Variants in STXBP6 observed in about 807,000 individuals in gnomAD.
STXBP6 encodes syntaxin-binding protein 6.
STXBP6 carries 21 observed loss-of-function variants against 26.9 expected under a neutral mutation model. That is an observed-to-expected ratio of 0.78 (90% CI 0.55 to 1.12). STXBP6 has a LOEUF of 1.12. Ranked by LOEUF, STXBP6 falls within the 50% of genes most tolerant of loss-of-function variation. STXBP6 has a pLI of 0.00. For synonymous variants in STXBP6, 97 were observed against 92.6 expected (o/e 1.05, Z -0.27); for missense variants, 232 against 257.9 (o/e 0.90, Z 0.69).
intron 2 of STXBP6, among the ~76,000 whole-genome samples, chr14:24,862,589 C>A (rs894351352): frequency 6.6e-6 from 1 of 152,142 alleles, no homozygotes; most frequent in Non-Finnish European, 1.5e-5. Flanking sequence ...TCCTTAGTAT[C>A]ACTAGTTCCT....
chr14:25,031,852 G>C (rs117947318), intron 1 of STXBP6, among the ~76,000 whole-genome samples: 1,733 of 151,884 alleles, frequency 0.011, 13 homozygotes, highest in Middle Eastern at 0.024. Context: ...AGCATGCTTA[G>C]GACAACAGAC....
rs71121808 is a variant in STXBP6, at chr14:24,976,852, C to CTTTTTTTTTTTTTTT, written c.-32-2017_-32-2003dup. ...CAAAGTCCTGAGCTGACTGGGCGCT[C>CTTTTTTTTTTTTTTT]TTTTTTTTTTTTTTTTTTTTTTTTT... On this transcript the variant is annotated intron_variant, in intron 1 of 5. Transcript: ENST00000323944. Among the ~76,000 whole-genome samples, 208 of 45,272 alleles carry CTTTTTTTTTTTTTTT rather than the reference C, an allele frequency of 4.6e-3. 50 individuals carry two copies. Among genetic ancestry groups the CTTTTTTTTTTTTTTT allele is most frequent in the African/African-American group, 0.018 (162 of 8,896 alleles). The allele number at this position is 45,272 out of a possible 152,430, so 29.7% of individuals were successfully genotyped here.
chr14:24,845,177 A>T (rs2068917783), intron 4 of STXBP6, among the ~76,000 whole-genome samples: 1 of 151,926 alleles, frequency 6.6e-6, no homozygotes, highest in Non-Finnish European at 1.5e-5. Flanking sequence ...AGGCCTGGCT[A>T]ATTTTTTTGT....
At chr14:24,854,115 G>T (rs1172099912) in intron 4 of STXBP6, among the ~76,000 whole-genome samples, 1 of 152,088 alleles carries the variant, frequency 6.6e-6, no homozygotes, top group Non-Finnish European at 1.5e-5. Context: ...GAAAGAAAAA[G>T]CCTGTTCCTA....
intron 1 of STXBP6, among the ~76,000 whole-genome samples, chr14:25,015,163 T>C (rs988787038): frequency 9.2e-5 from 14 of 152,128 alleles, no homozygotes; most frequent in African/African-American, 3.4e-4. Flanking sequence ...TTATTTACAT[T>C]GGGGAAGGGA....
chr14:24,836,742 A>C (rs2068630209), intron 4 of STXBP6, among the ~76,000 whole-genome samples: 1 of 152,150 alleles, frequency 6.6e-6, no homozygotes, highest in African/African-American at 2.4e-5. Context: ...AAAAATCAAC[A>C]AAAGAAAAAG....
intron 2 of STXBP6, among the ~76,000 whole-genome samples, chr14:24,870,759 T>C (rs1412698767): frequency 2.0e-5 from 3 of 152,192 alleles, no homozygotes; most frequent in Admixed American, 2.0e-4. Flanking sequence ...TCTTCCTAAA[T>C]AGACTCCCTA....
intron 1 of STXBP6, among the ~76,000 whole-genome samples, chr14:25,034,404 C>T (rs2075516385): frequency 6.6e-6 from 1 of 152,160 alleles, no homozygotes. Flanking sequence ...CTACAATTTC[C>T]CCATCCCTCA....
rs1463693789 is a variant in STXBP6, at chr14:24,966,767, C to T, written c.154+7898G>A. 2.6e-5 allele frequency among the ~76,000 whole-genome samples: 4 copies of T among 152,258 alleles called. No homozygotes were observed. The East Asian group carries it at 7.7e-4, about 29-fold the overall frequency. ...AAATTCATATTTGGCAGTGTCCCTG[C>T]CAGGAGTCTCTCCAAATTTCCCCAG... On this transcript the variant is annotated intron_variant, in intron 2 of 5. Transcript: ENST00000323944.
At chr14:25,015,051 CT>C (rs1295875503) in intron 1 of STXBP6, among the ~76,000 whole-genome samples, 1 of 151,976 alleles carries the variant, frequency 6.6e-6, no homozygotes, top group Non-Finnish European at 1.5e-5. Flanking sequence ...TTCTATGAGC[CT>C]TTTGACTTAG....
At chr14:25,026,671 C>G (rs556179790) in intron 1 of STXBP6, among the ~76,000 whole-genome samples, 34 of 152,284 alleles carry the variant, frequency 2.2e-4, no homozygotes, top group Non-Finnish European at 4.4e-4. Flanking sequence ...GCATACATAA[C>G]TTTTTCACAT....
intron 2 of STXBP6, among the ~76,000 whole-genome samples, chr14:24,961,451 C>CA (rs35074945): frequency 0.029 from 3,926 of 137,164 alleles, 89 homozygotes; most frequent in East Asian, 0.098. Flanking sequence ...GAACTAAAAA[C>CA]AAAAAAAAAA....
At chr14:24,905,503 T>C (rs982521327) in intron 2 of STXBP6, among the ~76,000 whole-genome samples, 3 of 152,320 alleles carry the variant, frequency 2.0e-5, no homozygotes, top group South Asian at 2.1e-4. Flanking sequence ...CTCCTATTCC[T>C]GCCTGTCTAA....
At chr14:25,003,147 G>A (rs146928464) in intron 1 of STXBP6, among the ~76,000 whole-genome samples, 179 of 152,316 alleles carry the variant, frequency 1.2e-3, no homozygotes, top group African/African-American at 4.1e-3. Flanking sequence ...CAAGATCAGA[G>A]AAAAGCTCTG....
intron 1 of STXBP6, among the ~76,000 whole-genome samples, chr14:25,031,139 C>T (rs1018071094): frequency 6.6e-6 from 1 of 152,086 alleles, no homozygotes; most frequent in Non-Finnish European, 1.5e-5. Flanking sequence ...GATTTTAGAA[C>T]AAGACAAAGC....
At chr14:24,974,968 A>C in intron 1 of STXBP6, 118 bp from the exon 2 acceptor site, 178 of 588,186 alleles carry the variant, frequency 3.0e-4, no homozygotes, top group Non-Finnish European at 3.8e-4. Flanking sequence ...GTTTAATCTC[A>C]TAATTGCTTG....
At chr14:24,845,392 T>G (rs2068928841) in intron 4 of STXBP6, among the ~76,000 whole-genome samples, 1 of 152,076 alleles carries the variant, frequency 6.6e-6, no homozygotes. Flanking sequence ...ATCCCTTAAG[T>G]AAAGAGAAAG....
In STXBP6 at chr14:24,963,284, G is replaced by C. The variant is rs150151019; in HGVS notation, c.154+11381C>G. Reference sequence around the variant, plus strand: ...TGTGTGCATTAGCTAGAAAACAGACGAGGGCGGCTAATGCTTCCTTTCAGG... The same window carrying C: ...TGTGTGCATTAGCTAGAAAACAGACCAGGGCGGCTAATGCTTCCTTTCAGG... On this transcript the variant is annotated intron_variant, in intron 2 of 5. Transcript: ENST00000323944. Among the ~76,000 whole-genome samples, 3 of 152,302 alleles carry C rather than the reference G, an allele frequency of 2.0e-5. No individual in the cohort carries two copies. In the East Asian group the frequency reaches 5.8e-4, roughly 29 times the overall value.
At chr14:24,888,392 A>T (rs1358424682) in intron 2 of STXBP6, among the ~76,000 whole-genome samples, 1 of 152,184 alleles carries the variant, frequency 6.6e-6, no homozygotes, top group Non-Finnish European at 1.5e-5. Context: ...TTAAGGCATC[A>T]TCACTACCTT....
Sources: allele counts gnomAD v4.1 joint callset (sites outside exome capture counted in the v4.1 genomes callset), GRCh38; gene constraint gnomAD v4.1.1; transcripts MANE v1.5; gene names NCBI Gene and HGNC (gene_info 2026-07-23, HGNC 2026-07-21).